The following FAM177A1 variants were observed in gnomAD, a reference collection of about 807,000 sequenced individuals.
The protein encoded by FAM177A1 is family with sequence similarity 177 member A1.
In FAM177A1, 22 loss-of-function variants were observed where a neutral mutation model predicts 26.1. That is an observed-to-expected ratio of 0.84 (90% CI 0.60 to 1.20). FAM177A1 has a LOEUF of 1.20. FAM177A1 is among the 50% of genes most tolerant of loss of function. FAM177A1 has a pLI of 0.00. For missense variants in FAM177A1, 296 were observed against 291.1 expected (o/e 1.02, Z -0.12); for synonymous variants, 95 against 99.3 (o/e 0.96, Z 0.26).
At chr14:35,065,696 A>ATT (rs35125485) in intron 2 of FAM177A1, among the ~76,000 whole-genome samples, 6,658 of 139,110 alleles carry the variant, frequency 0.048, 230 homozygotes, top group Middle Eastern at 0.069. Context: ...ATAAGAAGCA[A>ATT]TTTTTTTTTT....
chr14:35,048,669 C>T (rs2044914208), intron 1 of FAM177A1, among the ~76,000 whole-genome samples: 1 of 151,822 alleles, frequency 6.6e-6, no homozygotes, highest in Non-Finnish European at 1.5e-5. Context: ...ATTCCTGAAT[C>T]AGAAACATCT....
intron 2 of FAM177A1, among the ~76,000 whole-genome samples, chr14:35,074,306 C>A (rs1005750479): frequency 7.9e-5 from 12 of 151,620 alleles, no homozygotes; most frequent in Admixed American, 1.3e-4. Flanking sequence ...CACTACAGCC[C>A]AGCTAATTTT....
At chr14:35,067,840 C>T (rs2045262872) in intron 2 of FAM177A1, among the ~76,000 whole-genome samples, 1 of 152,128 alleles carries the variant, frequency 6.6e-6, no homozygotes, top group Non-Finnish European at 1.5e-5. Flanking sequence ...TGAGAAGTAT[C>T]TGTTCAGGTC....
At chr14:35,074,872 C>T (rs1050794351) in intron 2 of FAM177A1, among the ~76,000 whole-genome samples, 3 of 151,894 alleles carry the variant, frequency 2.0e-5, no homozygotes, top group Non-Finnish European at 4.4e-5. Flanking sequence ...GAAACCTTAT[C>T]TATACTAAAC....
intron 2 of FAM177A1, among the ~76,000 whole-genome samples, chr14:35,063,576 C>G (rs1041241645): frequency 3.9e-5 from 6 of 151,940 alleles, no homozygotes; most frequent in Admixed American, 2.6e-4. Flanking sequence ...GAAACGCCAT[C>G]TCAAAATAAA....
chr14:35,055,590 C>T (rs1337506000), intron 2 of FAM177A1, among the ~76,000 whole-genome samples: 1 of 151,892 alleles, frequency 6.6e-6, no homozygotes, highest in South Asian at 2.1e-4. Context: ...TACACCTCCA[C>T]GCCCGGCTAA....
intron 1 of FAM177A1, chr14:35,047,008 G>A (rs2044878856): frequency 2.9e-6 from 3 of 1,023,484 alleles, no homozygotes; most frequent in Middle Eastern, 4.7e-4. Flanking sequence ...CGCCTGCCTG[G>A]GCATCTGCCC....
At chr14:35,049,209 A>G (rs372058299) in intron 1 of FAM177A1, among the ~76,000 whole-genome samples, 1 of 152,002 alleles carries the variant, frequency 6.6e-6, no homozygotes, top group South Asian at 2.1e-4. Flanking sequence ...GTGACATTCT[A>G]TCCAGCAGCT....
At chr14:35,053,678 C>T (rs2045013719) in intron 2 of FAM177A1, among the ~76,000 whole-genome samples, 1 of 152,062 alleles carries the variant, frequency 6.6e-6, no homozygotes, top group Non-Finnish European at 1.5e-5. Flanking sequence ...TGTCAGAGTA[C>T]TGTGTTAGTA....
rs1019123747 is a variant in FAM177A1, at chr14:35,065,894, C to G, written c.340-11256C>G. Among the ~76,000 whole-genome samples, 3 of 151,726 alleles carry G rather than the reference C, an allele frequency of 2.0e-5. No homozygotes were observed. The South Asian group carries it at 6.2e-4, about 32-fold the overall frequency. ...TTTAGTAGAGACAGGATTTCACCAT[C>G]TTGGCCAGACTGGTCAACAGGAGTT... On this transcript the variant is annotated intron_variant, in intron 2 of 4. Transcript: ENST00000280987.
Position 35,046,432 on chromosome 14 carries a change from G to A in FAM177A1, c.-32G>A, listed in dbSNP as rs2044863439. On this transcript the variant is annotated 5_prime_UTR_variant, in exon 1 of 5. Transcript: ENST00000280987. ...GTGAGTCCCACTTCCCGACAGCCTG[G>A]CTCGGCCAGCGACTGGGCGGGGAGA... 4 of 1,510,964 alleles carry A rather than the reference G, an allele frequency of 2.6e-6. No individual in the cohort carries two copies. Among genetic ancestry groups the A allele is most frequent in the Non-Finnish European group, 2.7e-6 (3 of 1,124,524 alleles). 93.6% of individuals were successfully genotyped at this position (1,510,964 alleles called of 1,614,324 possible).
At chr14:35,077,578 G>A (rs2045417431) in intron 3 of FAM177A1, among the ~76,000 whole-genome samples, 1 of 148,524 alleles carries the variant, frequency 6.7e-6, no homozygotes, top group South Asian at 2.1e-4. Context: ...CGCTTCCCGG[G>A]TTCACGCCAT....
chr14:35,059,292 A>G, intron 2 of FAM177A1, among the ~76,000 whole-genome samples: 1 of 151,636 alleles, frequency 6.6e-6, no homozygotes. Context: ...ATCTGTTTGT[A>G]TTTTTTAATC....
In FAM177A1 at chr14:35,057,897, G is replaced by A. The variant is rs566269403; in HGVS notation, c.339+4446G>A. Among the ~76,000 whole-genome samples, 5 of 152,064 alleles carry A rather than the reference G, an allele frequency of 3.3e-5. No individual in the cohort carries two copies. In the South Asian group the frequency reaches 1.0e-3, roughly 32 times the overall value. The stretch of plus-strand genomic sequence containing the variant: ...TGACGTTTGTTTTATAGCCTGCCTA[G>A]CAGGTGGTCTGTCTTAGAACGTTCC... On this transcript the variant is annotated intron_variant, in intron 2 of 4. Coordinates refer to ENST00000280987, the MANE Select transcript of FAM177A1 (RefSeq NM_173607.5).
chr14:35,072,375 T>G (rs2891298), intron 2 of FAM177A1, among the ~76,000 whole-genome samples: 9 of 152,156 alleles, frequency 5.9e-5, no homozygotes, highest in Non-Finnish European at 1.3e-4. Context: ...ATCATAAGTC[T>G]TCTTCCTCAT....
At chr14:35,068,262 GTA>G (rs1349276815) in intron 2 of FAM177A1, among the ~76,000 whole-genome samples, 3 of 152,182 alleles carry the variant, frequency 2.0e-5, no homozygotes, top group Non-Finnish European at 1.5e-5. Context: ...CAGATGATTG[GTA>G]TCTTAATGTT....
chr14:35,065,180 T>C (rs1226820521), intron 2 of FAM177A1, among the ~76,000 whole-genome samples: 1 of 151,632 alleles, frequency 6.6e-6, no homozygotes, highest in Non-Finnish European at 1.5e-5. Flanking sequence ...AGGGAAACTT[T>C]TTTTTTTTTG....
chr14:35,080,168 T>A (rs1397784607), intron 4 of FAM177A1, among the ~76,000 whole-genome samples: 2 of 152,200 alleles, frequency 1.3e-5, no homozygotes, highest in African/African-American at 4.8e-5. Flanking sequence ...TTAGTAGTTC[T>A]GCAACTAGAA....
intron 2 of FAM177A1, among the ~76,000 whole-genome samples, chr14:35,055,920 G>A (rs377682264): frequency 1.3e-5 from 2 of 152,278 alleles, no homozygotes; most frequent in East Asian, 3.9e-4. Flanking sequence ...TAGTGAATAT[G>A]TTATTTCATT....
Sources: allele counts gnomAD v4.1 joint callset (sites outside exome capture counted in the v4.1 genomes callset), GRCh38; gene constraint gnomAD v4.1.1; transcripts MANE v1.5; gene names NCBI Gene and HGNC (gene_info 2026-07-23, HGNC 2026-07-21).